BTAF1: variants seen among roughly 807,000 people sequenced by gnomAD.
The protein encoded by BTAF1 is B-TFIID TATA-box binding protein associated factor 1, also known as TATA-binding protein-associated factor 172.
BTAF1 carries 38 observed loss-of-function variants against 227.1 expected under a neutral mutation model. That is an observed-to-expected ratio of 0.17 (90% CI 0.13 to 0.22). BTAF1 has a LOEUF of 0.22. Ranked by LOEUF, BTAF1 falls within the 10% of genes least tolerant of loss-of-function variation. BTAF1 has a pLI of 1.00. For synonymous variants in BTAF1, 742 were observed against 751.9 expected, an observed-to-expected ratio of 0.99 and a Z score of 0.21; for missense variants, 1,598 against 2,204.0, an observed-to-expected ratio of 0.73 and a Z score of 5.51.
intron 16 of BTAF1, 123 bp downstream of exon 16, chr10:91,981,915 G>A (rs989611699): frequency 1.6e-5 from 22 of 1,361,504 alleles, no homozygotes; most frequent in Middle Eastern, 2.6e-4. Flanking sequence ...AGGAGAAACC[G>A]TTATTTTATT....
At chr10:91,986,263 A>C (rs1848387572) in intron 19 of BTAF1, among the ~76,000 whole-genome samples, 1 of 152,150 alleles carries the variant, frequency 6.6e-6, no homozygotes, top group African/African-American at 2.4e-5. Flanking sequence ...AACTGAAGTT[A>C]TATAAGTATG....
chr10:92,009,055 C>T lies in BTAF1; in HGVS notation c.3950C>T (p.Ala1317Val), dbSNP rs1357925259. The T allele has an allele frequency of 6.2e-7, 1 of 1,614,008 alleles. No homozygotes were observed. Among genetic ancestry groups the T allele is most frequent in the Non-Finnish European group, 8.5e-7 (1 of 1,179,958 alleles). ...GDHCHRAQEY[A>V]RSKLAECMPL... is the part of the protein sequence containing the mutation. ...CTATTGTAAAGGGCCCAGGAATATG[C>T]AAGATCAAAATTAGCAGAATGTATG... The change falls in exon 28 of 38, where the codon GCA becomes GTA. Residue 1317 changes from alanine (A) to valine (V), a missense_variant. Around this residue, in one of 10 missense-constraint regions of BTAF1, gnomAD observed 184 missense variants for 341.1 expected, o/e 0.54. Coordinates refer to ENST00000265990, the MANE Select transcript of BTAF1 (RefSeq NM_003972.3).
intron 12 of BTAF1, among the ~76,000 whole-genome samples, chr10:91,962,879 T>C (rs1589820716): frequency 6.6e-6 from 1 of 152,222 alleles, no homozygotes; most frequent in East Asian, 1.9e-4. Context: ...TTTCCCTTCA[T>C]GTACATAATA....
chr10:91,995,254 G>A (rs1309508220), intron 23 of BTAF1, among the ~76,000 whole-genome samples: 1 of 152,046 alleles, frequency 6.6e-6, no homozygotes, highest in Non-Finnish European at 1.5e-5. Flanking sequence ...TATTAGCCCA[G>A]TTCTCTATTG....
chr10:92,023,944 A>C (rs1347231689), intron 34 of BTAF1, among the ~76,000 whole-genome samples: 1 of 152,192 alleles, frequency 6.6e-6, no homozygotes. Context: ...CCCAGCTCTT[A>C]GATTTTGAAC....
chr10:91,987,753 A>C (rs1848502351), intron 19 of BTAF1, among the ~76,000 whole-genome samples: 1 of 151,490 alleles, frequency 6.6e-6, no homozygotes, highest in South Asian at 2.1e-4. Context: ...TAAATGCTCT[A>C]TCTCTTATCT....
intron 6 of BTAF1, among the ~76,000 whole-genome samples, chr10:91,955,141 A>G (rs998378709): frequency 2.6e-5 from 4 of 152,208 alleles, no homozygotes; most frequent in Non-Finnish European, 4.4e-5. Flanking sequence ...TAATGACAAG[A>G]TTTTTTAAAA....
chr10:92,021,728 T>C (rs1245808302), intron 34 of BTAF1, among the ~76,000 whole-genome samples: 1 of 151,952 alleles, frequency 6.6e-6, no homozygotes, highest in Non-Finnish European at 1.5e-5. Flanking sequence ...GTATTTTTAG[T>C]AGAGACAGGG....
At chr10:92,018,090 A>AT (rs1422593968) in intron 33 of BTAF1, among the ~76,000 whole-genome samples, 2 of 150,282 alleles carry the variant, frequency 1.3e-5, no homozygotes, top group Admixed American at 6.6e-5. Flanking sequence ...GTCCTCAAGA[A>AT]TTTTTTTTTT....
chr10:92,020,088 C>T (rs1240791959), intron 34 of BTAF1, among the ~76,000 whole-genome samples: 1 of 143,774 alleles, frequency 7.0e-6, no homozygotes, highest in African/African-American at 2.5e-5. Flanking sequence ...TATTTTCTCC[C>T]ATTCTATAGG....
At chr10:91,962,050 T>A (rs1244157274) in intron 11 of BTAF1, among the ~76,000 whole-genome samples, 1 of 152,222 alleles carries the variant, frequency 6.6e-6, no homozygotes, top group Non-Finnish European at 1.5e-5. Flanking sequence ...ATGGGATTAC[T>A]TAGGCTTCTA....
At chr10:91,944,907 A>C (rs764490618) in intron 4 of BTAF1, among the ~76,000 whole-genome samples, 1 of 152,172 alleles carries the variant, frequency 6.6e-6, no homozygotes, top group East Asian at 1.9e-4. Context: ...TACCTTTTCT[A>C]TGTTTAGATA....
intron 35 of BTAF1, among the ~76,000 whole-genome samples, chr10:92,025,810 CAAAAAAAAAAA>C (rs71025383): frequency 1.2e-5 from 1 of 86,900 alleles, no homozygotes; most frequent in Admixed American, 1.3e-4. Flanking sequence ...GACTCTGTCT[CAAAAAAAAAAA>C]AAAAAAAAAA....
At chr10:91,952,154 G>A (rs1845808706) in intron 5 of BTAF1, among the ~76,000 whole-genome samples, 1 of 146,852 alleles carries the variant, frequency 6.8e-6, no homozygotes, top group South Asian at 2.2e-4. Context: ...ATGTGTGTGT[G>A]TGTGTTTGTG....
intron 4 of BTAF1, among the ~76,000 whole-genome samples, chr10:91,949,285 C>T (rs539215915): frequency 4.6e-5 from 7 of 152,228 alleles, no homozygotes; most frequent in African/African-American, 1.7e-4. Context: ...TGCAGTCCAG[C>T]GTGAGTAGCA....
In BTAF1 at chr10:92,005,866, T is replaced by G. The variant is rs918045362; in HGVS notation, c.3661-2257T>G. ...TTTTATGTCTGGTTTATGTTTTTGT[T>G]TTTTGGGTTTTTTTTTTTTCCTTGA... On this transcript the variant is annotated intron_variant, in intron 25 of 37. Transcript: ENST00000265990. Among the ~76,000 whole-genome samples the G allele has an allele frequency of 7.9e-5, 12 of 151,902 alleles. No individual in the cohort carries two copies. The South Asian group carries it at 2.1e-3, about 26-fold the overall frequency.
At chr10:91,976,705 A>G (rs1192141840) in intron 14 of BTAF1, among the ~76,000 whole-genome samples, 1 of 152,202 alleles carries the variant, frequency 6.6e-6, no homozygotes, top group Non-Finnish European at 1.5e-5. Context: ...AATTTTGGGA[A>G]ATTTTGCATA....
rs1231902604 is a variant in BTAF1 at position 91,957,307 on chromosome 10, A to G, written c.900+14A>G. The G allele has an allele frequency of 1.3e-6, 2 of 1,599,506 alleles. No individual in the cohort carries two copies. Among genetic ancestry groups the G allele is most frequent in the African/African-American group, 1.3e-5 (1 of 74,588 alleles). On this transcript the variant is annotated intron_variant, in intron 8 of 37. Transcript: ENST00000265990. The stretch of plus-strand genomic sequence containing the variant: ...CCCTCCTGGGAGGTAAGATTTCTTC[A>G]TTACAGTTTTTCTCAGCTCTATTTT...
At position 91,935,717 on chromosome 10, in the gene BTAF1, T is replaced by C. The variant is rs772360969; in HGVS notation, c.75T>C (p.Ala25=). Residue 25 remains alanine (A), a synonymous_variant, in exon 2 of 38, where the codon GCT becomes GCC. Transcript: ENST00000265990. ...CTACTCCTGTTACAAGAAAAGCTGC[T>C]GCACAGCAACTTGGAGAAGTGGTGA... ...TGTTPVTRKA[A]AQQLGEVVKL... is the part of the protein sequence containing the mutation. 3.1e-6 allele frequency: 5 copies of C among 1,613,694 alleles called. No homozygotes were observed. Among genetic ancestry groups the C allele is most frequent in the Non-Finnish European group, 3.4e-6 (4 of 1,179,804 alleles).
Sources: gnomAD v4.1 joint callset for allele counts (sites outside exome capture counted in the v4.1 genomes callset) on GRCh38, gnomAD v4.1.1 for gene constraint, gnomAD v4.1.1 regional missense constraint, MANE v1.5 for transcripts, NCBI Gene and HGNC (gene_info 2026-07-23, HGNC 2026-07-21) for gene names.